RPP14: variants seen among roughly 807,000 people sequenced by gnomAD.
The protein encoded by RPP14 is ribonuclease P/MRP subunit p14.
Under a neutral mutation model 17.8 loss-of-function variants are expected in RPP14, and 19 were observed. The ratio of observed to expected loss-of-function variants is 1.07; its 90% CI spans 0.74 to 1.57. The LOEUF is 1.57. RPP14 is among the 40% of genes most tolerant of loss of function. The pLI, the probability that RPP14 is intolerant of heterozygous loss-of-function variation, is 0.00. For missense variants in RPP14, 125 were observed against 140.8 expected (o/e 0.89, Z 0.57); for synonymous variants, 60 against 56.4 (o/e 1.06, Z -0.29).
At position 58,311,117 on chromosome 3, in the gene RPP14, A is replaced by G. The variant is rs115430781; in HGVS notation, c.162+526A>G. On this transcript the variant is annotated intron_variant, in intron 3 of 5. Transcript: ENST00000295959. ...TCTGATAATCACCAATCTACTTTCT[A>G]TCCTCATGAAATCTACTTTTTGTTG... 8.4e-3 allele frequency among the ~76,000 whole-genome samples: 1,244 copies of G among 147,592 alleles called. 17 individuals carry two copies. Among genetic ancestry groups the G allele is most frequent in the African/African-American group, 0.029 (1,159 of 39,648 alleles).
chr3:58,317,880 C>T lies in RPP14; in HGVS notation c.*384C>T, dbSNP rs770479821. The T allele has an allele frequency of 3.6e-5, 25 of 702,892 alleles. No homozygotes were observed. The highest frequency in any genetic ancestry group is 1.0e-4 in the African/African-American group (6 of 57,244). 43.5% of individuals were successfully genotyped at this position (702,892 alleles called of 1,614,324 possible). On this transcript the variant is annotated 3_prime_UTR_variant, in exon 6 of 6. Coordinates refer to ENST00000295959, the MANE Select transcript of RPP14 (RefSeq NM_007042.6). ...CAATTGTACATGGAGTTTTGATCAA[C>T]GGACTTATCTCAGCTCTCCTAGGAA...
intron 3 of RPP14, among the ~76,000 whole-genome samples, chr3:58,313,728 G>T (rs766307664): frequency 2.0e-5 from 3 of 152,248 alleles, no homozygotes; most frequent in African/African-American, 7.2e-5. Context: ...AGGAGGCTGA[G>T]GTGGGAGGAT....
chr3:58,314,675 A>T (rs1361116137), intron 3 of RPP14, among the ~76,000 whole-genome samples: 36 of 90,570 alleles, frequency 4.0e-4, no homozygotes, highest in East Asian at 1.6e-3. Context: ...GTTTGGCAGT[A>T]TTTTTTTTTT....
intron 1 of RPP14, among the ~76,000 whole-genome samples, chr3:58,309,635 T>C (rs1031589507): frequency 6.6e-6 from 1 of 152,196 alleles, no homozygotes; most frequent in Admixed American, 6.5e-5. Flanking sequence ...CTCACACCTG[T>C]AATACCGGCA....
At chr3:58,307,152 G>A (rs896584933) in intron 1 of RPP14, among the ~76,000 whole-genome samples, 3 of 152,238 alleles carry the variant, frequency 2.0e-5, no homozygotes, top group African/African-American at 7.2e-5. Flanking sequence ...GTGGTGGCGG[G>A]GATTGAGCGG....
chr3:58,309,971 G>A (rs1285143159), intron 1 of RPP14: 3 of 210,126 alleles, frequency 1.4e-5, no homozygotes, highest in Non-Finnish European at 2.9e-5. Flanking sequence ...AGGCTGAGTT[G>A]GGCAAATTGC....
chr3:58,316,812 G>T (rs554292394), intron 4 of RPP14, 103 bp from the exon 5 acceptor site: 2 of 1,074,166 alleles, frequency 1.9e-6, no homozygotes, highest in South Asian at 2.9e-5. Context: ...CCCATTGATG[G>T]TTATAGTTGC....
chr3:58,316,915 T>G lies in RPP14; in HGVS notation c.240T>G (p.Ser80Arg), dbSNP rs756832975. The G allele has an allele frequency of 7.4e-6, 12 of 1,612,554 alleles. No homozygotes were observed. Among genetic ancestry groups the G allele is most frequent in the Non-Finnish European group, 1.0e-5 (12 of 1,178,936 alleles). Reference protein sequence around the residue: ...TLSAILRICSSGLVKLWSSLT... With the variant: ...TLSAILRICSRGLVKLWSSLT... ...ATGTATTTTCTTGATCTTTCTGCAG[T>G]GGTCTTGTCAAATTGTGGAGCTCTT... The change falls in exon 5 of 6, where the codon AGT (serine) becomes AGG (arginine). Residue 80 changes from serine (S) to arginine (R), a missense_variant and splice_region_variant. Coordinates refer to ENST00000295959, the MANE Select transcript of RPP14 (RefSeq NM_007042.6).
Position 58,310,698 on chromosome 3 carries a change from G to A in RPP14, c.162+107G>A, listed in dbSNP as rs563314568. The A allele has an allele frequency of 6.1e-5, 51 of 836,420 alleles. 1 individual carries two copies. In the Admixed American group the frequency reaches 8.5e-4, roughly 14 times the overall value. The allele number at this position is 836,420 out of a possible 1,614,324, so 51.8% of individuals were successfully genotyped here. A position where few individuals can be genotyped will look rare whatever the true frequency, so the allele number is the denominator to read the frequency against. ...CTGTAATCCCAGCACTTTGGAGGCC[G>A]AGGTGGGCAGATCATGAGGTCAAGA... is the stretch of plus-strand genomic sequence containing the variant. On this transcript the variant is annotated intron_variant, in intron 3 of 5. Coordinates refer to ENST00000295959, the MANE Select transcript of RPP14 (RefSeq NM_007042.6).
chr3:58,307,710 A>G (rs1002832098), intron 1 of RPP14: 1 of 152,338 alleles, frequency 6.6e-6, no homozygotes, highest in East Asian at 1.9e-4. Flanking sequence ...AACAAGACTG[A>G]CTTTAAAGAT....
At chr3:58,312,837 T>G (rs1488400659) in intron 3 of RPP14, among the ~76,000 whole-genome samples, 1 of 151,994 alleles carries the variant, frequency 6.6e-6, no homozygotes, top group East Asian at 1.9e-4. Context: ...GGCGCACGCT[T>G]GTAGTCCCAG....
chr3:58,310,894 C>T (rs1038828967), intron 3 of RPP14, among the ~76,000 whole-genome samples: 3 of 149,074 alleles, frequency 2.0e-5, no homozygotes, highest in African/African-American at 7.5e-5. Flanking sequence ...AACGCCACTG[C>T]ACTCCAGCCT....
chr3:58,320,152 TTTA>T lies in RPP14; in HGVS notation c.*2659_*2661del, dbSNP rs2097493027. On this transcript the variant is annotated 3_prime_UTR_variant, in exon 6 of 6. Transcript: ENST00000295959. ...GTTACAGCATGTATCAGTACATCATTTTATTTTATGGCTGAATAATATTCCATT... is the reference window on the plus strand; with the variant it reads ...GTTACAGCATGTATCAGTACATCATTTTTTATGGCTGAATAATATTCCATT... 1 of 152,100 alleles carries T rather than the reference TTTA, an allele frequency of 6.6e-6. No individual in the cohort carries two copies. The highest frequency in any genetic ancestry group is 1.5e-5 in the Non-Finnish European group (1 of 68,030). 9.4% of individuals were successfully genotyped at this position (152,100 alleles called of 1,614,324 possible).
intron 5 of RPP14, among the ~76,000 whole-genome samples, 184 bp downstream of exon 5, chr3:58,317,177 A>G (rs927598648): frequency 6.6e-6 from 1 of 152,240 alleles, no homozygotes; most frequent in African/African-American, 2.4e-5. Flanking sequence ...TTTAAAATCT[A>G]TGGGAGATGT....
At chr3:58,312,631 A>G (rs2107504151) in intron 3 of RPP14, among the ~76,000 whole-genome samples, 1 of 152,188 alleles carries the variant, frequency 6.6e-6, no homozygotes, top group South Asian at 2.1e-4. Context: ...TCTTGAAGAG[A>G]TAAGGAATTT....
At chr3:58,312,894 G>A (rs2097483827) in intron 3 of RPP14, among the ~76,000 whole-genome samples, 1 of 149,158 alleles carries the variant, frequency 6.7e-6, no homozygotes, top group Admixed American at 6.8e-5. Flanking sequence ...CTGGGAGGCA[G>A]AGGTTGCAGT....
chr3:58,315,375 G>T (rs2097487151), intron 3 of RPP14, among the ~76,000 whole-genome samples: 1 of 152,054 alleles, frequency 6.6e-6, no homozygotes, highest in South Asian at 2.1e-4. Context: ...GCTGGGGTGA[G>T]GAGTAGGGGA....
chr3:58,317,792 CAG>C lies in RPP14; in HGVS notation c.*297_*298del, dbSNP rs2097489934. 3 of 703,080 alleles carry C rather than the reference CAG, an allele frequency of 4.3e-6. No individual in the cohort carries two copies. The highest frequency in any genetic ancestry group is 7.8e-6 in the Non-Finnish European group (3 of 385,012). 43.6% of individuals were successfully genotyped at this position (703,080 alleles called of 1,614,324 possible). On this transcript the variant is annotated 3_prime_UTR_variant, in exon 6 of 6. Coordinates refer to ENST00000295959, the MANE Select transcript of RPP14 (RefSeq NM_007042.6). Reference sequence around the variant, plus strand: ...GATGTGGCTACCTTCTCAGAATTAACAGGGGATGTCAATCCTTTGCATTTGAA... The same window carrying C: ...GATGTGGCTACCTTCTCAGAATTAACGGGATGTCAATCCTTTGCATTTGAA...
chr3:58,318,516 A>AAAG lies in RPP14; in HGVS notation c.*1020_*1021insAAG, dbSNP rs58197677. 1 of 144,176 alleles carries AAAG rather than the reference A, an allele frequency of 6.9e-6. No individual in the cohort carries two copies. The highest frequency in any genetic ancestry group is 2.0e-4 in the East Asian group (1 of 5,008). 8.9% of individuals were successfully genotyped at this position (144,176 alleles called of 1,614,324 possible). ...CTACCAAAAAAAAAAAAAAAAAAAA[A>AAAG]GTGCAACTAGCTGTGCTTGGTGACT... On this transcript the variant is annotated 3_prime_UTR_variant, in exon 6 of 6. Transcript: ENST00000295959.
Sources: gnomAD v4.1 joint callset for allele counts (sites outside exome capture counted in the v4.1 genomes callset) on GRCh38, gnomAD v4.1.1 for gene constraint, MANE v1.5 for transcripts, NCBI Gene and HGNC (gene_info 2026-07-23, HGNC 2026-07-21) for gene names.